The following MED12L variants were observed in gnomAD, a reference collection of about 807,000 sequenced individuals.
MED12L encodes the protein mediator complex subunit 12L.
MED12L carries 60 observed loss-of-function variants against 281.3 expected under a neutral mutation model. The observed-to-expected ratio is 0.21, with a 90% CI of 0.17 to 0.26. The LOEUF is 0.26. Among genes scored for constraint, MED12L ranks in the 10% least tolerant of loss-of-function variants. MED12L has a pLI of 1.00. For missense variants in MED12L, 2,146 were observed against 2,680.9 expected, an observed-to-expected ratio of 0.80 and a Z score of 4.41; for synonymous variants, 974 against 987.2, an observed-to-expected ratio of 0.99 and a Z score of 0.25.
chr3:151,409,148 T>G, intron 39 of MED12L, 95 bp from the exon 40 acceptor site: 439 of 832,010 alleles, frequency 5.3e-4, no homozygotes, highest in Non-Finnish European at 6.9e-4. Context: ...ATCCATGTAA[T>G]GAGATTAGAT....
chr3:151,308,189 A>C (rs1349559416), intron 16 of MED12L, among the ~76,000 whole-genome samples: 1 of 152,162 alleles, frequency 6.6e-6, no homozygotes, highest in Non-Finnish European at 1.5e-5. Flanking sequence ...TTTCTTAAAC[A>C]GAAAATAAAA....
chr3:151,086,960 A>G lies in MED12L; in HGVS notation c.34A>G (p.Arg12Gly). Residue 12 changes from arginine to glycine, a missense_variant, in exon 2 of 45, where the codon AGA (arginine) becomes GGA (glycine). Physicochemically the swap from Arg to Gly is moderately radical, Grantham distance 125. Around this residue, in one of 9 missense-constraint regions of MED12L, gnomAD observed 44 missense variants for 39.7 expected, o/e 1.11. Transcript: ENST00000687756. ...AAFGLLSYEQRPLKRPRLGPP... is the reference protein window; with the variant it reads ...AAFGLLSYEQGPLKRPRLGPP... ...CTTCGGGCTTCTCAGCTATGAGCAG[A>G]GACCGCTGAAGCGCCCCCGGCTCGG... is the stretch of plus-strand genomic sequence containing the variant. 6.2e-7 allele frequency: 1 copy of G among 1,609,596 alleles called. No homozygotes were observed.
intron 16 of MED12L, among the ~76,000 whole-genome samples, chr3:151,232,888 AC>A (rs1342153507): frequency 5.3e-5 from 8 of 152,206 alleles, no homozygotes; most frequent in Non-Finnish European, 1.2e-4. Flanking sequence ...GCATGAGTTT[AC>A]CTATATAACC....
chr3:151,342,167 T>C (rs1281300685), intron 16 of MED12L, among the ~76,000 whole-genome samples: 1 of 152,236 alleles, frequency 6.6e-6, no homozygotes, highest in African/African-American at 2.4e-5. Context: ...ACTTCCACAA[T>C]GGTTGAACTA....
chr3:151,382,889 T>G (rs3821663), intron 33 of MED12L, 144 bp downstream of exon 33: 198,232 of 599,316 alleles, frequency 0.33, 35,299 homozygotes, highest in Non-Finnish European at 0.37. Flanking sequence ...CTTCCCTGTT[T>G]CTAAAGCCTT....
chr3:151,209,275 G>T (rs1726803199), intron 16 of MED12L, among the ~76,000 whole-genome samples: 1 of 152,058 alleles, frequency 6.6e-6, no homozygotes, highest in African/African-American at 2.4e-5. Flanking sequence ...ATTGCTTTGG[G>T]GCGCACTTTC....
intron 20 of MED12L, among the ~76,000 whole-genome samples, chr3:151,359,462 A>G (rs1229319896): frequency 6.6e-6 from 1 of 152,062 alleles, no homozygotes; most frequent in African/African-American, 2.4e-5. Context: ...CCTTGGTTCC[A>G]CCTATGGTAC....
chr3:151,202,163 T>C (rs546360989), intron 16 of MED12L, among the ~76,000 whole-genome samples: 2 of 152,364 alleles, frequency 1.3e-5, no homozygotes, highest in Admixed American at 1.3e-4. Context: ...AATCTGTTTA[T>C]TTAAAATTTT....
intron 11 of MED12L, among the ~76,000 whole-genome samples, chr3:151,179,698 T>C (rs755809986): frequency 6.6e-6 from 1 of 152,208 alleles, no homozygotes; most frequent in Non-Finnish European, 1.5e-5. Flanking sequence ...TCATGCACCA[T>C]TGACCTTCCT....
intron 16 of MED12L, among the ~76,000 whole-genome samples, chr3:151,219,319 C>T (rs1042560608): frequency 1.3e-5 from 2 of 152,156 alleles, no homozygotes; most frequent in African/African-American, 2.4e-5. Context: ...TCCAGAAATA[C>T]GTTCATCTTA....
intron 16 of MED12L, among the ~76,000 whole-genome samples, chr3:151,311,929 C>T (rs1445736317): frequency 1.3e-5 from 2 of 152,094 alleles, no homozygotes; most frequent in African/African-American, 2.4e-5. Context: ...GGAGCTGAGG[C>T]AGGAGAATTG....
At chr3:151,432,348 G>T (rs1389109713) in intron 44 of MED12L, among the ~76,000 whole-genome samples, 10 of 152,326 alleles carry the variant, frequency 6.6e-5, no homozygotes, top group African/African-American at 2.4e-4. Flanking sequence ...GCAGAAAATT[G>T]CCCAGTTCCA....
chr3:151,281,707 T>A (rs1742835531), intron 16 of MED12L, among the ~76,000 whole-genome samples: 1 of 152,196 alleles, frequency 6.6e-6, no homozygotes, highest in South Asian at 2.1e-4. Context: ...TGACTAATCT[T>A]TTTCTCAGAG....
chr3:151,240,564 CAA>C (rs1295184235), intron 16 of MED12L, among the ~76,000 whole-genome samples: 1 of 152,194 alleles, frequency 6.6e-6, no homozygotes, highest in African/African-American at 2.4e-5. Flanking sequence ...AAAAACAAAA[CAA>C]AAGGTGTAGC....
At chr3:151,283,450 A>T (rs928807593) in intron 16 of MED12L, among the ~76,000 whole-genome samples, 1 of 152,250 alleles carries the variant, frequency 6.6e-6, no homozygotes, top group African/African-American at 2.4e-5. Flanking sequence ...GAGGAAGCAG[A>T]GGAAAGCATT....
rs531443713 is a variant in MED12L, at chr3:151,273,402, A to ATTTT, written c.2251-76640_2251-76637dup. Among the ~76,000 whole-genome samples, 368 of 113,620 alleles carry ATTTT rather than the reference A, an allele frequency of 3.2e-3. 4 individuals are homozygous for ATTTT. The highest frequency in any genetic ancestry group is 0.027 in the South Asian group (90 of 3,364). The allele number at this position is 113,620 out of a possible 152,430, so 74.5% of individuals were successfully genotyped here. A position where few individuals can be genotyped will look rare whatever the true frequency, so the allele number is the denominator to read the frequency against. ...ACCACCATGCCCGGCTAATTTTTGT[A>ATTTT]TTTTTTTTTTTTTTTTTTTTAGTAG... On this transcript the variant is annotated intron_variant, in intron 16 of 44. Coordinates refer to ENST00000687756, the MANE Select transcript of MED12L (RefSeq NM_001393769.1).
At chr3:151,348,870 T>C (rs1376931615) in intron 16 of MED12L, among the ~76,000 whole-genome samples, 4 of 152,182 alleles carry the variant, frequency 2.6e-5, no homozygotes, top group South Asian at 4.1e-4. Context: ...AGGTCAAACA[T>C]TGGACTTCTC....
intron 20 of MED12L, among the ~76,000 whole-genome samples, chr3:151,360,267 T>G (rs1450169440): frequency 6.6e-6 from 1 of 152,174 alleles, no homozygotes; most frequent in African/African-American, 2.4e-5. Flanking sequence ...ATCAGTGACA[T>G]TTCTGAAGTT....
chr3:151,339,431 T>TAAAAAA (rs3975402), intron 16 of MED12L, among the ~76,000 whole-genome samples: 1 of 145,818 alleles, frequency 6.9e-6, no homozygotes, highest in Non-Finnish European at 1.5e-5. Flanking sequence ...ACTGAATCAG[T>TAAAAAA]AAAAAAAAAA....
Sources: gnomAD v4.1 joint callset for allele counts (sites outside exome capture counted in the v4.1 genomes callset) on GRCh38, gnomAD v4.1.1 for gene constraint, gnomAD v4.1.1 regional missense constraint, MANE v1.5 for transcripts, NCBI Gene and HGNC (gene_info 2026-07-23, HGNC 2026-07-21) for gene names.